MXD4: variants seen among roughly 807,000 people sequenced by gnomAD.
MXD4 encodes Mad4 homolog.
MXD4 carries 16 observed loss-of-function variants against 24.5 expected under a neutral mutation model. The observed-to-expected ratio is 0.65, with a 90% CI of 0.44 to 0.99. The LOEUF is 0.99. Ranked by LOEUF, MXD4 falls within the 50% of genes least tolerant of loss-of-function variation. The pLI is 0.00. For missense variants in MXD4, 301 were observed against 301.5 expected (o/e 1.00, Z 0.01); for synonymous variants, 164 against 134.2 (o/e 1.22, Z -1.54).
chr4:2,256,954 A>C (rs954124370), intron 3 of MXD4, among the ~76,000 whole-genome samples: 35 of 152,236 alleles, frequency 2.3e-4, no homozygotes, highest in Non-Finnish European at 4.7e-4. Context: ...TAGGCCTGGA[A>C]CAATTCCAGG....
chr4:2,255,865 A>G (rs1162918011), intron 3 of MXD4, among the ~76,000 whole-genome samples: 3 of 151,972 alleles, frequency 2.0e-5, no homozygotes, highest in Admixed American at 1.3e-4. Context: ...CCACGCCAGC[A>G]TCCCAGCCAA....
chr4:2,256,358 T>G (rs1200816554), intron 3 of MXD4, among the ~76,000 whole-genome samples: 1 of 152,178 alleles, frequency 6.6e-6, no homozygotes. Context: ...ACAGGGGAAG[T>G]CCCACAGGCC....
At chr4:2,255,278 T>G in intron 3 of MXD4, 1 of 455,728 alleles carries the variant, frequency 2.2e-6, no homozygotes, top group Non-Finnish European at 4.4e-6. Flanking sequence ...AGCCTCTGAG[T>G]GCCTGGGATG....
intron 3 of MXD4, chr4:2,252,760 C>G (rs1033694367): frequency 2.1e-6 from 1 of 475,246 alleles, no homozygotes. Flanking sequence ...GCCTGCAAAG[C>G]CTCAGCGCGT....
chr4:2,252,550 G>A, intron 3 of MXD4, 28 bp from the exon 4 acceptor site: 1 of 1,553,750 alleles, frequency 6.4e-7, no homozygotes, highest in Non-Finnish European at 8.8e-7. Flanking sequence ...AGAACCATCA[G>A]GCTGGGGTGG....
rs530986982 is a variant in MXD4, at chr4:2,252,628, G to A, written c.195-106C>T. 5 of 725,226 alleles carry A rather than the reference G, an allele frequency of 6.9e-6. No homozygotes were observed. The Admixed American group carries it at 1.3e-4, about 18-fold the overall frequency. 44.9% of individuals were successfully genotyped at this position (725,226 alleles called of 1,614,324 possible). A position where few individuals can be genotyped will look rare whatever the true frequency, so the allele number is the denominator to read the frequency against. ...CCCCACCATCCACTGCTGCACATGT[G>A]CTGAGGGTCCCTCTCTAAGGATCCC... On this transcript the variant is annotated intron_variant, in intron 3 of 5. Coordinates refer to ENST00000337190, the MANE Select transcript of MXD4 (RefSeq NM_006454.3).
chr4:2,254,627 T>C (rs548440762), intron 3 of MXD4: 3 of 152,454 alleles, frequency 2.0e-5, no homozygotes, highest in South Asian at 2.1e-4. Flanking sequence ...TGGTTAGTAT[T>C]TGTGGTATTT....
intron 2 of MXD4, among the ~76,000 whole-genome samples, chr4:2,260,383 G>A (rs1275333623): frequency 6.6e-6 from 1 of 152,244 alleles, no homozygotes; most frequent in Admixed American, 6.5e-5. Context: ...GGGTGAAGAT[G>A]AACTGGCTGC....
At chr4:2,255,447 G>A (rs545946298) in intron 3 of MXD4, 19 of 453,660 alleles carry the variant, frequency 4.2e-5, no homozygotes, top group South Asian at 3.0e-4. Context: ...TGGGCGCCAG[G>A]GCTGGAGGCC....
intron 3 of MXD4, chr4:2,255,305 G>A: frequency 2.2e-6 from 1 of 456,252 alleles, no homozygotes; most frequent in Non-Finnish European, 4.4e-6. Context: ...CTGGGGTGGG[G>A]TGCAGGGGAG....
chr4:2,262,100 T>C lies in MXD4; in HGVS notation c.-120A>G, dbSNP rs890145069. The C allele has an allele frequency of 4.9e-5, 19 of 390,944 alleles. No individual in the cohort carries two copies. Among genetic ancestry groups the C allele is most frequent in the Non-Finnish European group, 7.0e-6 (2 of 286,586 alleles). The allele number at this position is 390,944 out of a possible 1,614,324, so 24.2% of individuals were successfully genotyped here. A position where few individuals can be genotyped will look rare whatever the true frequency, so the allele number is the denominator to read the frequency against. On this transcript the variant is annotated 5_prime_UTR_variant, in exon 1 of 6. Coordinates refer to ENST00000337190, the MANE Select transcript of MXD4 (RefSeq NM_006454.3). ...CGCCGCACTTCCAGACTCCGCGGAC[T>C]CCGGCGCTCGGCCGCCACCCTCCGC...
intron 3 of MXD4, chr4:2,253,589 A>C (rs796842691): frequency 1.8e-4 from 27 of 152,158 alleles, no homozygotes; most frequent in African/African-American, 5.6e-4. Flanking sequence ...TGATGCCTAC[A>C]CACGTGACTT....
intron 2 of MXD4, among the ~76,000 whole-genome samples, chr4:2,261,023 C>A (rs1214391041): frequency 3.9e-5 from 6 of 152,238 alleles, no homozygotes; most frequent in Non-Finnish European, 8.8e-5. Context: ...GCAGCTGGCA[C>A]CCGTAGTAAC....
At chr4:2,261,209 G>T (rs1488862577) in intron 2 of MXD4, among the ~76,000 whole-genome samples, 2 of 152,226 alleles carry the variant, frequency 1.3e-5, no homozygotes, top group Admixed American at 1.3e-4. Flanking sequence ...GCCTCCACTC[G>T]CTTCTCTGTC....
At position 2,261,948 on chromosome 4, in the gene MXD4, C is replaced by G; in HGVS notation, c.33G>C (p.Glu11Asp). The G allele has an allele frequency of 6.9e-7, 1 of 1,454,082 alleles. No individual in the cohort carries two copies. The highest frequency in any genetic ancestry group is 9.1e-7 in the Non-Finnish European group (1 of 1,099,754). 90.1% of individuals were successfully genotyped at this position (1,454,082 alleles called of 1,614,324 possible). A position where few individuals can be genotyped will look rare whatever the true frequency, so the allele number is the denominator to read the frequency against. ...CCCTGCGCTCCAGGTACTCGGCCGCCTCCAGCAGGATCAGCAGGGAGTTCA... is the reference window on the plus strand; with the variant it reads ...CCCTGCGCTCCAGGTACTCGGCCGCGTCCAGCAGGATCAGCAGGGAGTTCA... MELNSLLILLEAAEYLERRDR... is the reference protein window; with the variant it reads MELNSLLILLDAAEYLERRDR... The change falls in exon 1 of 6, where the codon GAG (glutamate) becomes GAC (aspartate). Residue 11 changes from glutamate (E) to aspartate (D), a missense_variant. Glu to Asp is a conservative substitution (Grantham distance 45). Coordinates refer to ENST00000337190, the MANE Select transcript of MXD4 (RefSeq NM_006454.3).
rs992339262 is a variant in MXD4, at chr4:2,248,349, G to C, written c.*2195C>G. ...CACTGGTCACCGGGTGGATTCTGCT[G>C]GTCAGAGATGAGAGCAGAAGCCCCT... On this transcript the variant is annotated 3_prime_UTR_variant, in exon 6 of 6. Coordinates refer to ENST00000337190, the MANE Select transcript of MXD4 (RefSeq NM_006454.3). 1 of 152,438 alleles carries C rather than the reference G, an allele frequency of 6.6e-6. No homozygotes were observed. Among genetic ancestry groups the C allele is most frequent in the African/African-American group, 2.4e-5 (1 of 41,466 alleles). The allele number at this position is 152,438 out of a possible 1,614,324, so 9.4% of individuals were successfully genotyped here.
rs201054683 is a variant in MXD4, at chr4:2,252,473, G to A, written c.244C>T (p.Leu82=). 8 of 1,611,738 alleles carry A rather than the reference G, an allele frequency of 5.0e-6. No individual in the cohort carries two copies. Among genetic ancestry groups the A allele is most frequent in the Non-Finnish European group, 6.8e-6 (8 of 1,179,922 alleles). ...YLEQLKQLVP[L]GPDSTRHTTL... The stretch of plus-strand genomic sequence containing the variant: ...GTGTGGCGGGTGCTGTCGGGGCCCA[G>A]GGGCACCAGTTGCTTGAGCTGCTCA... The change falls in exon 4 of 6, where the codon CTG becomes TTG. Residue 82 remains leucine (L), a synonymous_variant. Coordinates refer to ENST00000337190, the MANE Select transcript of MXD4 (RefSeq NM_006454.3).
chr4:2,255,525 C>T (rs1293457510), intron 3 of MXD4, among the ~76,000 whole-genome samples: 1 of 152,110 alleles, frequency 6.6e-6, no homozygotes, highest in African/African-American at 2.4e-5. Flanking sequence ...GTTGCGGGAC[C>T]CCAGGAAGAT....
At position 2,247,629 on chromosome 4, in the gene MXD4, G is replaced by C. The variant is rs1319173152; in HGVS notation, c.*2915C>G. 1 of 152,234 alleles carries C rather than the reference G, an allele frequency of 6.6e-6. No homozygotes were observed. Among genetic ancestry groups the C allele is most frequent in the Non-Finnish European group, 1.5e-5 (1 of 68,060 alleles). 9.4% of individuals were successfully genotyped at this position (152,234 alleles called of 1,614,324 possible). ...TGGACCTGGGGCCACCCTGCTGGCC[G>C]AGGGTCAGGGTCCTCTGTGCAGGCA... On this transcript the variant is annotated 3_prime_UTR_variant, in exon 6 of 6. Coordinates refer to ENST00000337190, the MANE Select transcript of MXD4 (RefSeq NM_006454.3).
Sources: gnomAD v4.1 joint callset for allele counts (sites outside exome capture counted in the v4.1 genomes callset) on GRCh38, gnomAD v4.1.1 for gene constraint, MANE v1.5 for transcripts, NCBI Gene and HGNC (gene_info 2026-07-23, HGNC 2026-07-21) for gene names.